Variants in WDR75 observed in about 807,000 individuals in gnomAD.
WDR75 encodes WD repeat-containing protein 75.
WDR75 carries 52 observed loss-of-function variants against 106.1 expected under a neutral mutation model. That is an observed-to-expected ratio of 0.49 (90% CI 0.39 to 0.62). The LOEUF is 0.62. Ranked by LOEUF, WDR75 falls within the 20% of genes least tolerant of loss-of-function variation. The pLI, the probability that WDR75 is intolerant of heterozygous loss-of-function variation, is 0.00. For synonymous variants in WDR75, 333 were observed against 335.5 expected (o/e 0.99, Z 0.08); for missense variants, 905 against 970.3 (o/e 0.93, Z 0.89).
At chr2:189,457,520 C>A in intron 6 of WDR75, 139 bp downstream of exon 6, 1 of 606,774 alleles carries the variant, frequency 1.6e-6, no homozygotes, top group Non-Finnish European at 2.9e-6. Context: ...TATGGAGGTA[C>A]AGTTTTTAAC....
At chr2:189,449,993 C>T in intron 2 of WDR75, 1 of 985,274 alleles carries the variant, frequency 1.0e-6, no homozygotes, top group South Asian at 4.7e-5. Context: ...AAACTAAGTA[C>T]ACTGGGACAA....
intron 19 of WDR75, 28 bp from the exon 20 acceptor site, chr2:189,474,689 T>A: frequency 1.3e-6 from 2 of 1,598,006 alleles, no homozygotes. Context: ...GCTTTTTAAT[T>A]GCAACCGTGT....
rs764999654 is a variant in WDR75 at position 189,451,874 on chromosome 2, A to G, written c.352A>G (p.Ile118Val). Residue 118 changes from isoleucine to valine, a missense_variant, in exon 4 of 21, where the codon ATA (isoleucine) becomes GTA (valine). Physicochemically the swap from Ile to Val is conservative, Grantham distance 29. Transcript: ENST00000314761. Reference sequence around the variant, plus strand: ...CCAAGCTGAGGATTCTGTCTTTGTTATAGTGAATAAAGAAAAACCAGGTAT... The same window carrying G: ...CCAAGCTGAGGATTCTGTCTTTGTTGTAGTGAATAAAGAAAAACCAGGTAT... Reference protein sequence around the residue: ...LAQAEDSVFVIVNKEKPDIFQ... With the variant: ...LAQAEDSVFVVVNKEKPDIFQ... The G allele has an allele frequency of 6.2e-6, 10 of 1,613,292 alleles. No homozygotes were observed. The highest frequency in any genetic ancestry group is 1.7e-4 in the Middle Eastern group (1 of 6,058).
At chr2:189,464,074 G>A (rs1686953203) in intron 11 of WDR75, 113 bp downstream of exon 11, 3 of 852,840 alleles carry the variant, frequency 3.5e-6, no homozygotes, top group Non-Finnish European at 5.5e-6. Flanking sequence ...ATGTTTACTT[G>A]AACATAGTAT....
chr2:189,444,499 TG>T (rs1251180222), intron 1 of WDR75, among the ~76,000 whole-genome samples: 1 of 152,174 alleles, frequency 6.6e-6, no homozygotes, highest in Non-Finnish European at 1.5e-5. Context: ...ATTATTGCAC[TG>T]GGGTTGTTAG....
At chr2:189,467,394 A>G in intron 13 of WDR75, 74 bp from the exon 14 acceptor site, 1 of 1,457,884 alleles carries the variant, frequency 6.9e-7, no homozygotes, top group Non-Finnish European at 9.2e-7. Flanking sequence ...AGATAATGGG[A>G]AACTAGGGGG....
intron 2 of WDR75, chr2:189,450,604 A>G: frequency 4.3e-6 from 5 of 1,162,684 alleles, no homozygotes; most frequent in Non-Finnish European, 5.3e-6. Flanking sequence ...GGTGGCAGCC[A>G]CTGCACCTTG....
chr2:189,448,449 C>T lies in WDR75; in HGVS notation c.157C>T (p.Leu53=), dbSNP rs1358582609. Residue 53 remains leucine (L), a synonymous_variant, in exon 2 of 21, where the codon CTG becomes TTG. Coordinates refer to ENST00000314761, the MANE Select transcript of WDR75 (RefSeq NM_032168.3). ...AGTTACAGAAGAGTGTGTACACATA[C>T]TGCATGGACACAGAAATCTGGTGAC... is the stretch of plus-strand genomic sequence containing the variant. ...STVTEECVHI[L]HGHRNLVTGI... 3.7e-6 allele frequency: 6 copies of T among 1,613,926 alleles called. No individual in the cohort carries two copies. The highest frequency in any genetic ancestry group is 3.3e-5 in the Admixed American group (2 of 60,018).
rs941431118 is a variant in WDR75, at chr2:189,470,722, A to G, written c.1990-97A>G. 10 of 790,384 alleles carry G rather than the reference A, an allele frequency of 1.3e-5. No homozygotes were observed. The African/African-American group carries it at 1.8e-4, about 14-fold the overall frequency. 49.0% of individuals were successfully genotyped at this position (790,384 alleles called of 1,614,324 possible). A position where few individuals can be genotyped will look rare whatever the true frequency, so the allele number is the denominator to read the frequency against. ...GTTGTCAAATATATATATCAAAGTGAAAAATTTGACCTTCTCATTTTTTAA... is the reference window on the plus strand; with the variant it reads ...GTTGTCAAATATATATATCAAAGTGGAAAATTTGACCTTCTCATTTTTTAA... On this transcript the variant is annotated intron_variant, in intron 17 of 20. Transcript: ENST00000314761.
intron 2 of WDR75, chr2:189,450,131 A>G (rs985623101): frequency 3.1e-5 from 30 of 958,064 alleles, no homozygotes; most frequent in Non-Finnish European, 3.7e-5. Context: ...ACACTTTGAC[A>G]TTGCCTCAGC....
intron 4 of WDR75, among the ~76,000 whole-genome samples, chr2:189,453,386 A>G (rs1417375926): frequency 6.6e-6 from 1 of 152,014 alleles, no homozygotes; most frequent in Non-Finnish European, 1.5e-5. Flanking sequence ...TCCTGTACTC[A>G]CTCCATGATT....
intron 2 of WDR75, chr2:189,449,397 A>C: frequency 2.4e-6 from 3 of 1,275,572 alleles, no homozygotes; most frequent in Non-Finnish European, 3.1e-6. Context: ...TACGGGATCC[A>C]AGTACATATT....
chr2:189,467,015 T>A (rs1170837931), intron 13 of WDR75, among the ~76,000 whole-genome samples: 1 of 152,152 alleles, frequency 6.6e-6, no homozygotes, highest in Non-Finnish European at 1.5e-5. Context: ...GTGTGCATCT[T>A]TGTTTCTTAA....
chr2:189,448,874 T>G (rs182268122), intron 2 of WDR75: 1 of 473,218 alleles, frequency 2.1e-6, no homozygotes, highest in Non-Finnish European at 4.4e-6. Flanking sequence ...ACTTGACTTG[T>G]GAACCATTTG....
chr2:189,475,160 T>A (rs2105577822), intron 20 of WDR75, 53 bp from the exon 21 acceptor site: 1 of 1,350,834 alleles, frequency 7.4e-7, no homozygotes, highest in East Asian at 2.4e-5. Context: ...ATTAGAAAGT[T>A]ACTGTTTAGA....
chr2:189,460,525 G>T (rs1167352899), intron 8 of WDR75, among the ~76,000 whole-genome samples: 3 of 147,904 alleles, frequency 2.0e-5, no homozygotes, highest in African/African-American at 7.6e-5. Context: ...TTTTTTTTTA[G>T]ACAAGGTCTC....
At chr2:189,469,507 G>A (rs1448860692) in intron 16 of WDR75, 68 bp downstream of exon 16, 10 of 1,374,138 alleles carry the variant, frequency 7.3e-6, no homozygotes, top group Non-Finnish European at 1.0e-5. Flanking sequence ...AATATAATTT[G>A]AGCCAAACTT....
At chr2:189,448,331 C>G in intron 1 of WDR75, 48 bp from the exon 2 acceptor site, 2 of 1,526,522 alleles carry the variant, frequency 1.3e-6, no homozygotes, top group Non-Finnish European at 1.8e-6. Flanking sequence ...AGTGTGAAAA[C>G]AGGCTAATAC....
intron 17 of WDR75, 59 bp downstream of exon 17, chr2:189,470,304 C>G: frequency 6.5e-7 from 1 of 1,531,432 alleles, no homozygotes; most frequent in Non-Finnish European, 8.8e-7. Context: ...GACTAATAGC[C>G]CATGACTATT....
Sources: gnomAD v4.1 joint callset for allele counts (sites outside exome capture counted in the v4.1 genomes callset) on GRCh38, gnomAD v4.1.1 for gene constraint, MANE v1.5 for transcripts, NCBI Gene and HGNC (gene_info 2026-07-23, HGNC 2026-07-21) for gene names.